The following USP35 variants were observed in gnomAD, a reference collection of about 807,000 sequenced individuals.
The protein encoded by USP35 is ubiquitin specific peptidase 35, also known as ubiquitin carboxyl-terminal hydrolase 35.
USP35 carries 69 observed loss-of-function variants against 83.8 expected under a neutral mutation model. The observed-to-expected ratio is 0.82, with a 90% CI of 0.68 to 1.01. The LOEUF is 1.01. USP35 is among the 50% of genes least tolerant of loss of function. USP35 has a pLI of 0.00. For missense variants in USP35, 1,503 were observed against 1,362.5 expected, an observed-to-expected ratio of 1.10 and a Z score of -1.62; for synonymous variants, 714 against 589.5, an observed-to-expected ratio of 1.21 and a Z score of -3.06.
At position 78,200,286 on chromosome 11, in the gene USP35, G is replaced by T. The variant is rs1214460904; in HGVS notation, c.1038+52G>T. The T allele has an allele frequency of 3.8e-6, 6 of 1,564,714 alleles. No homozygotes were observed. In the East Asian group the frequency reaches 1.3e-4, roughly 35 times the overall value. On this transcript the variant is annotated intron_variant, in intron 5 of 10. Transcript: ENST00000529308. Reference sequence around the variant, plus strand: ...GTGAGGCCCCTGCCTGCTGCCCCTGGTAAGGGCCCTGCCTACTGCCCCTGG... The same window carrying T: ...GTGAGGCCCCTGCCTGCTGCCCCTGTTAAGGGCCCTGCCTACTGCCCCTGG...
the USP35 span, among the ~76,000 whole-genome samples, chr11:78,227,821 C>G: frequency 6.6e-6 from 1 of 151,964 alleles, no homozygotes; most frequent in Non-Finnish European, 1.5e-5. Context: ...CGCCCCAACA[C>G]AAACAAACAA....
chr11:78,198,541 G>C, intron 3 of USP35: 1 of 891,758 alleles, frequency 1.1e-6, no homozygotes, highest in Non-Finnish European at 1.3e-6. Flanking sequence ...GCACCTGCCT[G>C]TCCAGTTGTC....
chr11:78,233,921 T>C, the USP35 span, among the ~76,000 whole-genome samples: 1 of 152,290 alleles, frequency 6.6e-6, no homozygotes, highest in African/African-American at 2.4e-5. Flanking sequence ...CATTTTCTTT[T>C]CTTAAAGAGG....
At chr11:78,235,138 T>C in the USP35 span, among the ~76,000 whole-genome samples, 1 of 152,044 alleles carries the variant, frequency 6.6e-6, no homozygotes, top group Non-Finnish European at 1.5e-5. Context: ...GGTTTGATTT[T>C]CTCCCCAGAA....
In USP35 at chr11:78,214,934, A is replaced by G. The variant is rs1590927659; in HGVS notation, c.*1121A>G. 6.6e-6 allele frequency among the ~76,000 whole-genome samples: 1 copy of G among 152,060 alleles called. No individual in the cohort carries two copies. The highest frequency in any genetic ancestry group is 6.5e-5 in the Admixed American group (1 of 15,268). Reference sequence around the variant, plus strand: ...GTGATGCTGCCCGTGGAGAGGATGCACCTGGGAGGCAGCTCTCAAGCCTTT... The same window carrying G: ...GTGATGCTGCCCGTGGAGAGGATGCGCCTGGGAGGCAGCTCTCAAGCCTTT... On this transcript the variant is annotated 3_prime_UTR_variant, in exon 11 of 11. Transcript: ENST00000529308.
chr11:78,197,634 C>A (rs1421117512), intron 2 of USP35, among the ~76,000 whole-genome samples: 1 of 152,216 alleles, frequency 6.6e-6, no homozygotes, highest in African/African-American at 2.4e-5. Flanking sequence ...CCAGTCCACG[C>A]AGCCCTCCCA....
the USP35 span, chr11:78,223,492 A>T: frequency 6.2e-7 from 1 of 1,609,472 alleles, no homozygotes; most frequent in Non-Finnish European, 8.5e-7. Flanking sequence ...GTGCACAGGA[A>T]GGGTTGTTGA....
At chr11:78,234,516 T>C in the USP35 span, among the ~76,000 whole-genome samples, 1 of 151,130 alleles carries the variant, frequency 6.6e-6, no homozygotes, top group Non-Finnish European at 1.5e-5. Context: ...TTCAGCATCA[T>C]TTGCAGAACA....
rs1417432460 is a variant in USP35, at chr11:78,210,303, C to T, written c.2448C>T (p.Arg816=). The change falls in exon 10 of 11, where the codon CGC becomes CGT. Residue 816 remains arginine, a synonymous_variant. Coordinates refer to ENST00000529308, the MANE Select transcript of USP35 (RefSeq NM_020798.4). ...LTLLRFSFDL[R]TMRRRKILDD... is the part of the protein sequence containing the mutation. The stretch of plus-strand genomic sequence containing the variant: ...TGCTGCGCTTCTCTTTCGACCTGCG[C>T]ACCATGCGGCGCCGCAAGATCCTGG... 2 of 1,613,792 alleles carry T rather than the reference C, an allele frequency of 1.2e-6. No homozygotes were observed. The highest frequency in any genetic ancestry group is 1.7e-6 in the Non-Finnish European group (2 of 1,180,034).
intron 3 of USP35, chr11:78,198,710 GCT>G: frequency 1.0e-6 from 1 of 985,222 alleles, no homozygotes; most frequent in Non-Finnish European, 1.2e-6. Context: ...AAGAGTGTGG[GCT>G]CTCGAGGTAA....
chr11:78,224,661 G>A, the USP35 span, among the ~76,000 whole-genome samples: 14 of 152,144 alleles, frequency 9.2e-5, no homozygotes, highest in East Asian at 5.8e-4. Flanking sequence ...GGAGAACTGC[G>A]GTTAGCATCT....
intron 3 of USP35, chr11:78,198,565 C>G: frequency 2.1e-4 from 195 of 951,168 alleles, no homozygotes; most frequent in Middle Eastern, 5.4e-4. Flanking sequence ...GAATATGCCG[C>G]TCCCCTCCTC....
chr11:78,220,179 G>A, downstream of USP35: 4 of 805,260 alleles, frequency 5.0e-6, no homozygotes, highest in Non-Finnish European at 8.0e-6. Flanking sequence ...TATGACTAAA[G>A]ATGCATCATA....
At chr11:78,211,223 G>A (rs370831577) in intron 10 of USP35, among the ~76,000 whole-genome samples, 7 of 151,916 alleles carry the variant, frequency 4.6e-5, no homozygotes, top group Admixed American at 2.6e-4. Context: ...CTGTTCCTGC[G>A]TTAATTTGCT....
chr11:78,230,725 T>G, the USP35 span, among the ~76,000 whole-genome samples: 24,058 of 152,270 alleles, frequency 0.16, 2,419 homozygotes, highest in East Asian at 0.4. Context: ...AACAAGGGAC[T>G]CTTGCCCAAA....
chr11:78,219,718 T>C (rs1864324286), downstream of USP35, among the ~76,000 whole-genome samples: 1 of 152,202 alleles, frequency 6.6e-6, no homozygotes, highest in Admixed American at 6.5e-5. Flanking sequence ...CCTTCATCTC[T>C]GCCTCCACCC....
chr11:78,199,846 C>T (rs1220196416), intron 4 of USP35, 122 bp downstream of exon 4: 12 of 1,472,998 alleles, frequency 8.1e-6, no homozygotes, highest in Admixed American at 3.7e-5. Context: ...GTGACCTGGG[C>T]GAATTCACTG....
rs562246864 is a variant in USP35, at chr11:78,205,903, C to A, written c.1259C>A (p.Ser420Ter). The A allele has an allele frequency of 6.2e-6, 10 of 1,614,270 alleles. No individual in the cohort carries two copies. The highest frequency in any genetic ancestry group is 8.5e-6 in the Non-Finnish European group (10 of 1,180,044). ...KQLLGQDAWT[S>*]QKSELAGFYP... ...CTGCTGGGGCAGGATGCCTGGACTT[C>A]GCAGAAGAGCGAGCTGGCGGGTTTC... Residue 420 changes from serine to a stop codon, truncating the protein, a stop_gained, in exon 7 of 11, where the codon TCG becomes TAG. Transcript: ENST00000529308. LOFTEE classifies it high-confidence loss of function.
At chr11:78,226,990 G>T in the USP35 span, 4 of 1,613,620 alleles carry the variant, frequency 2.5e-6, no homozygotes, top group Non-Finnish European at 3.4e-6. Flanking sequence ...GCAAGTTTTT[G>T]TACAGCTGTG....
Sources: allele counts gnomAD v4.1 joint callset (sites outside exome capture counted in the v4.1 genomes callset), GRCh38; gene constraint gnomAD v4.1.1; transcripts MANE v1.5; gene names NCBI Gene and HGNC (gene_info 2026-07-23, HGNC 2026-07-21).